The following SLC47A2 variants were observed in gnomAD, a reference collection of about 807,000 sequenced individuals.
The protein encoded by SLC47A2 is solute carrier family 47 member 2, also known as multidrug and toxin extrusion protein 2.
A neutral mutation model predicts 67.7 loss-of-function variants in SLC47A2; 52 were observed. The ratio of observed to expected loss-of-function variants is 0.77; its 90% CI spans 0.61 to 0.97. The LOEUF (loss-of-function observed/expected upper bound fraction) is 0.97, where lower values mean the gene tolerates loss of function less well. SLC47A2 is among the 50% of genes least tolerant of loss of function. SLC47A2 has a pLI of 0.00. For synonymous variants in SLC47A2, 278 were observed against 292.9 expected (o/e 0.95, Z 0.52); for missense variants, 676 against 712.3 (o/e 0.95, Z 0.58).
chr17:19,695,531 A>G (rs1373780185), intron 13 of SLC47A2, among the ~76,000 whole-genome samples: 36 of 149,430 alleles, frequency 2.4e-4, no homozygotes, highest in African/African-American at 8.9e-4. Context: ...AAAAAAAAAG[A>G]AAAAATGTAT....
intron 5 of SLC47A2, 83 bp downstream of exon 5, chr17:19,712,620 C>T (rs1268137382): frequency 2.1e-6 from 3 of 1,452,380 alleles, no homozygotes; most frequent in Non-Finnish European, 2.9e-6. Flanking sequence ...GGATAGGGAT[C>T]TTCCGCAGCA....
chr17:19,714,629 G>T, intron 3 of SLC47A2, 92 bp downstream of exon 3: 2 of 1,470,022 alleles, frequency 1.4e-6, no homozygotes, highest in Non-Finnish European at 1.9e-6. Flanking sequence ...AGATCACCTG[G>T]CTGCGCCCCT....
Position 19,706,637 on chromosome 17 carries a change from C to A in SLC47A2, c.841+11G>T, listed in dbSNP as rs778768646. The stretch of plus-strand genomic sequence containing the variant: ...CACACGCCATTGCGCCCCCCATCCT[C>A]TTCCACGTACCCATGAGGAAGCTCC... On this transcript the variant is annotated intron_variant, in intron 9 of 16. Transcript: ENST00000433844. The A allele has an allele frequency of 1.3e-6, 2 of 1,574,456 alleles. No homozygotes were observed. Among genetic ancestry groups the A allele is most frequent in the Non-Finnish European group, 1.7e-6 (2 of 1,164,598 alleles).
At chr17:19,695,000 T>G (rs2085628093) in intron 13 of SLC47A2, among the ~76,000 whole-genome samples, 1 of 151,128 alleles carries the variant, frequency 6.6e-6, no homozygotes, top group African/African-American at 2.4e-5. Context: ...GGAGAAAATC[T>G]TTGTGACCTT....
chr17:19,687,900 G>A (rs2085460559), intron 13 of SLC47A2, among the ~76,000 whole-genome samples: 1 of 152,056 alleles, frequency 6.6e-6, no homozygotes, highest in African/African-American at 2.4e-5. Flanking sequence ...GTAATCATAA[G>A]TCTCCTAGCA....
intron 13 of SLC47A2, among the ~76,000 whole-genome samples, chr17:19,695,734 T>C (rs1376981037): frequency 6.6e-6 from 1 of 152,000 alleles, no homozygotes; most frequent in Non-Finnish European, 1.5e-5. Context: ...TTCCTTTTTT[T>C]TTTTTTAAGG....
At chr17:19,704,732 G>A (rs2085882082) in intron 10 of SLC47A2, 1 of 1,539,936 alleles carries the variant, frequency 6.5e-7, no homozygotes, top group Non-Finnish European at 8.8e-7. Flanking sequence ...CTGTGGTGGA[G>A]GAGAGCCCAT....
At chr17:19,700,584 G>A (rs2085759745) in intron 13 of SLC47A2, among the ~76,000 whole-genome samples, 1 of 152,044 alleles carries the variant, frequency 6.6e-6, no homozygotes. Flanking sequence ...AACATGGCAA[G>A]ATTCCATCTC....
At chr17:19,702,366 C>G (rs1452186310) in intron 13 of SLC47A2, 1 of 985,264 alleles carries the variant, frequency 1.0e-6, no homozygotes, top group African/African-American at 1.7e-5. Context: ...TGCAATTTTT[C>G]AGTTCTTTGC....
chr17:19,708,984 C>T (rs918312233), intron 5 of SLC47A2, among the ~76,000 whole-genome samples: 1 of 152,248 alleles, frequency 6.6e-6, no homozygotes, highest in African/African-American at 2.4e-5. Context: ...CCTTCTGCCA[C>T]AGGGGAGATG....
chr17:19,697,295 C>G (rs918638506), intron 13 of SLC47A2, among the ~76,000 whole-genome samples: 1 of 152,066 alleles, frequency 6.6e-6, no homozygotes, highest in Non-Finnish European at 1.5e-5. Context: ...AAGACTCCGT[C>G]TCAAAGGAAA....
intron 13 of SLC47A2, among the ~76,000 whole-genome samples, chr17:19,695,878 C>T (rs1284797044): frequency 6.6e-6 from 1 of 151,808 alleles, no homozygotes; most frequent in East Asian, 2.0e-4. Context: ...TGTGTGCCAT[C>T]ACGCCCAGCT....
chr17:19,682,086 C>T (rs779340795), intron 13 of SLC47A2, among the ~76,000 whole-genome samples: 1 of 152,066 alleles, frequency 6.6e-6, no homozygotes, highest in Non-Finnish European at 1.5e-5. Flanking sequence ...TAAATTTGGG[C>T]CGGGCATGGT....
At chr17:19,716,648 G>T, upstream of SLC47A2, 1 of 1,451,032 alleles carries the variant, frequency 6.9e-7, no homozygotes, top group South Asian at 1.5e-5. Flanking sequence ...AGCCCGTGTC[G>T]GTACAGCCTG....
chr17:19,683,535 G>T (rs762393673), intron 13 of SLC47A2, among the ~76,000 whole-genome samples: 6 of 152,194 alleles, frequency 3.9e-5, no homozygotes, highest in Admixed American at 6.5e-5. Flanking sequence ...AACAGCCAAG[G>T]GAATGGGGAG....
intron 16 of SLC47A2, among the ~76,000 whole-genome samples, chr17:19,679,259 G>A (rs1394334389): frequency 6.6e-6 from 1 of 152,144 alleles, no homozygotes; most frequent in Non-Finnish European, 1.5e-5. Context: ...GACAACTTAC[G>A]CTCCCAGAGT....
chr17:19,692,757 G>A (rs1245752913), intron 13 of SLC47A2, among the ~76,000 whole-genome samples: 2 of 152,118 alleles, frequency 1.3e-5, no homozygotes, highest in African/African-American at 4.8e-5. Context: ...TGTTCCTCAT[G>A]AACACAGACT....
At chr17:19,694,819 G>C (rs148419948) in intron 13 of SLC47A2, among the ~76,000 whole-genome samples, 2 of 150,892 alleles carry the variant, frequency 1.3e-5, no homozygotes, top group African/African-American at 2.5e-5. Context: ...AGGAGGCTGA[G>C]GCAGAAGAAT....
At chr17:19,680,980 A>G (rs568015602) in intron 15 of SLC47A2, among the ~76,000 whole-genome samples, 3 of 152,154 alleles carry the variant, frequency 2.0e-5, no homozygotes, top group East Asian at 1.9e-4. Flanking sequence ...TTGGGAGGCC[A>G]AGGTGGGCGG....
Sources: gnomAD v4.1 joint callset for allele counts (sites outside exome capture counted in the v4.1 genomes callset) on GRCh38, gnomAD v4.1.1 for gene constraint, MANE v1.5 for transcripts, NCBI Gene and HGNC (gene_info 2026-07-23, HGNC 2026-07-21) for gene names.